Variants in ZNF544 observed in about 807,000 individuals in gnomAD.
The protein encoded by ZNF544 is zinc finger protein AF020591.
Under a neutral mutation model 13.5 loss-of-function variants are expected in ZNF544, and 10 were observed. The ratio of observed to expected loss-of-function variants is 0.74; its 90% CI spans 0.46 to 1.25. The LOEUF is 1.25. Among genes scored for constraint, ZNF544 ranks in the 50% most tolerant of loss-of-function variants. The pLI is 0.00. For synonymous variants in ZNF544, 323 were observed against 300.5 expected (o/e 1.07, Z -0.77); for missense variants, 896 against 845.6 (o/e 1.06, Z -0.74).
At chr19:58,273,193 GAAGA>G (rs2050854398) in intron 5 of ZNF544, among the ~76,000 whole-genome samples, 1 of 150,660 alleles carries the variant, frequency 6.6e-6, no homozygotes, top group African/African-American at 2.4e-5. Flanking sequence ...AAAAAAAAAA[GAAGA>G]AAGAAACCAA....
Position 58,262,031 on chromosome 19 carries a change from A to G in ZNF544, c.1425A>G (p.Gln475=). 1 of 1,611,880 alleles carries G rather than the reference A, an allele frequency of 6.2e-7. No homozygotes were observed. The highest frequency in any genetic ancestry group is 1.7e-4 in the Middle Eastern group (1 of 6,032). The part of the protein sequence containing the change: ...ECTHCGKSFS[Q]SYELVTHKRT... ...CTCACTGTGGAAAGTCCTTCAGCCA[A>G]AGCTATGAGTTAGTTACACATAAAA... Residue 475 remains glutamine (Q), a synonymous_variant, in exon 7 of 7, where the codon CAA becomes CAG. Coordinates refer to ENST00000687789, the MANE Select transcript of ZNF544 (RefSeq NM_014480.4).
At chr19:58,238,971 C>T (rs570884195) in intron 3 of ZNF544, among the ~76,000 whole-genome samples, 1 of 152,182 alleles carries the variant, frequency 6.6e-6, no homozygotes, top group East Asian at 1.9e-4. Flanking sequence ...TGAGTTTCTT[C>T]TCCTTGTGCA....
chr19:58,266,514 C>CAAAAAAAA (rs11340816), downstream of ZNF544: 2 of 58,740 alleles, frequency 3.4e-5, no homozygotes, highest in Non-Finnish European at 5.8e-5. Context: ...GACTCGGTCT[C>CAAAAAAAA]AAAAAAAAAA....
intron 6 of ZNF544, among the ~76,000 whole-genome samples, chr19:58,253,119 A>G (rs1461698557): frequency 6.6e-6 from 1 of 152,240 alleles, no homozygotes; most frequent in African/African-American, 2.4e-5. Flanking sequence ...CACCCAACCC[A>G]TAATCCTTTC....
At chr19:58,255,269 G>A (rs1030240014) in intron 6 of ZNF544, among the ~76,000 whole-genome samples, 5 of 151,864 alleles carry the variant, frequency 3.3e-5, no homozygotes, top group Admixed American at 6.6e-5. Flanking sequence ...TCCGCCTCCC[G>A]AGTTCAAGCA....
chr19:58,243,582 G>A (rs758893305), intron 3 of ZNF544, among the ~76,000 whole-genome samples: 3 of 151,866 alleles, frequency 2.0e-5, no homozygotes, highest in Non-Finnish European at 2.9e-5. Flanking sequence ...CTGCTGGGGA[G>A]TGTCACATCC....
At chr19:58,272,085 C>T (rs192342991) in intron 5 of ZNF544, among the ~76,000 whole-genome samples, 25 of 151,046 alleles carry the variant, frequency 1.7e-4, no homozygotes, top group Non-Finnish European at 2.9e-4. Context: ...CGCTGGAACC[C>T]GGGAGTTGGA....
Position 58,261,218 on chromosome 19 carries a change from G to C in ZNF544, c.612G>C (p.Glu204Asp), listed in dbSNP as rs769026512. 6.2e-7 allele frequency: 1 copy of C among 1,613,998 alleles called. No individual in the cohort carries two copies. The highest frequency in any genetic ancestry group is 1.3e-5 in the African/African-American group (1 of 74,924). Residue 204 changes from glutamate to aspartate, a missense_variant, in exon 7 of 7, where the codon GAG (glutamate) becomes GAC (aspartate). Physicochemically the swap from Glu to Asp is conservative, Grantham distance 45. Transcript: ENST00000687789. The part of the protein sequence containing the change: ...LKQNSAFINH[E>D]KNGADGKHCE... ...AAAATTCAGCTTTCATTAATCATGA[G>C]AAAAATGGAGCAGATGGGAAGCACT... is the stretch of plus-strand genomic sequence containing the variant.
At chr19:58,260,286 C>CTTAT (rs2048609336) in intron 6 of ZNF544, 1 of 152,088 alleles carries the variant, frequency 6.6e-6, no homozygotes, top group South Asian at 2.1e-4. Flanking sequence ...CCTGCTTATT[C>CTTAT]TCTTTTTTGA....
Position 58,255,268 on chromosome 19 carries a change from C to T in ZNF544, c.245-5583C>T, listed in dbSNP as rs149476623. Among the ~76,000 whole-genome samples, 38 of 151,938 alleles carry T rather than the reference C, an allele frequency of 2.5e-4. No individual in the cohort carries two copies. The East Asian group carries it at 3.9e-3, about 15-fold the overall frequency. ...TCGGGTCACTGCAACCTCCGCCTCCCGAGTTCAAGCAGTTCTCCTGCCTCA... is the reference window on the plus strand; with the variant it reads ...TCGGGTCACTGCAACCTCCGCCTCCTGAGTTCAAGCAGTTCTCCTGCCTCA... On this transcript the variant is annotated intron_variant, in intron 6 of 6. Coordinates refer to ENST00000687789, the MANE Select transcript of ZNF544 (RefSeq NM_014480.4).
At chr19:58,232,946 CAAAAAAAAAAAA>C (rs71190012) in intron 3 of ZNF544, among the ~76,000 whole-genome samples, 1 of 46,078 alleles carries the variant, frequency 2.2e-5, no homozygotes. Context: ...GACTCCATCT[CAAAAAAAAAAAA>C]AAAAAAAAAA....
Position 58,246,781 on chromosome 19 carries a change from G to A in ZNF544, c.231G>A (p.Gln77=), listed in dbSNP as rs752200098. 5.6e-6 allele frequency: 9 copies of A among 1,614,038 alleles called. No individual in the cohort carries two copies. The highest frequency in any genetic ancestry group is 7.6e-6 in the Non-Finnish European group (9 of 1,179,928). The part of the protein sequence containing the change: ...EQEEDLCRAE[Q]EAPRDWKATL... ...AAGAGGACCTGTGCAGGGCAGAGCAGGAGGCCCCCCGAGGTAAGAGCAGAC... is the reference window on the plus strand; with the variant it reads ...AAGAGGACCTGTGCAGGGCAGAGCAAGAGGCCCCCCGAGGTAAGAGCAGAC... The change falls in exon 6 of 7, where the codon CAG becomes CAA. Residue 77 remains glutamine (Q), a synonymous_variant. Coordinates refer to ENST00000687789, the MANE Select transcript of ZNF544 (RefSeq NM_014480.4).
chr19:58,265,928 A>G (rs1354171306), downstream of ZNF544, among the ~76,000 whole-genome samples: 3 of 151,562 alleles, frequency 2.0e-5, no homozygotes, highest in Admixed American at 6.6e-5. Flanking sequence ...TGGGAGGGTG[A>G]GCATGGTGGC....
intron 6 of ZNF544, among the ~76,000 whole-genome samples, chr19:58,276,643 T>G (rs1281349272): frequency 1.3e-5 from 2 of 152,128 alleles, no homozygotes; most frequent in Non-Finnish European, 2.9e-5. Context: ...AATTTTTGTA[T>G]TTGTATTAGA....
At chr19:58,271,022 G>C (rs557730118) in intron 5 of ZNF544, among the ~76,000 whole-genome samples, 1 of 151,808 alleles carries the variant, frequency 6.6e-6, no homozygotes, top group African/African-American at 2.4e-5. Flanking sequence ...GACCAGCCTG[G>C]CCAACATGGT....
chr19:58,234,647 T>A (rs1486477413), intron 3 of ZNF544, among the ~76,000 whole-genome samples: 1 of 152,284 alleles, frequency 6.6e-6, no homozygotes, highest in Non-Finnish European at 1.5e-5. Flanking sequence ...CTGGCAATTC[T>A]GCTTTTGAAT....
Position 58,261,229 on chromosome 19 carries a change from C to A in ZNF544, c.623C>A (p.Ala208Glu). The A allele has an allele frequency of 1.2e-6, 2 of 1,614,070 alleles. No homozygotes were observed. The highest frequency in any genetic ancestry group is 1.7e-6 in the Non-Finnish European group (2 of 1,180,024). Residue 208 changes from alanine (A) to glutamate (E), a missense_variant, in exon 7 of 7, where the codon GCA becomes GAA. Transcript: ENST00000687789. ...TTCATTAATCATGAGAAAAATGGAGCAGATGGGAAGCACTGTGAGAGTCAT... is the reference window on the plus strand; with the variant it reads ...TTCATTAATCATGAGAAAAATGGAGAAGATGGGAAGCACTGTGAGAGTCAT... ...SAFINHEKNGADGKHCESHQC... is the reference protein window; with the variant it reads ...SAFINHEKNGEDGKHCESHQC...
chr19:58,277,321 C>G, exon 7 of ZNF544: 1 of 1,172,546 alleles, frequency 8.5e-7, no homozygotes, highest in Non-Finnish European at 1.1e-6. Flanking sequence ...GTCAGCTCCT[C>G]CGTCCCCACT....
At chr19:58,271,879 A>G (rs755648415) in intron 5 of ZNF544, among the ~76,000 whole-genome samples, 18 of 152,066 alleles carry the variant, frequency 1.2e-4, no homozygotes, top group Non-Finnish European at 2.6e-4. Context: ...AAGCAAGAGC[A>G]GGCTGGGCGC....
Sources: allele counts gnomAD v4.1 joint callset (sites outside exome capture counted in the v4.1 genomes callset), GRCh38; gene constraint gnomAD v4.1.1; transcripts MANE v1.5; gene names NCBI Gene and HGNC (gene_info 2026-07-23, HGNC 2026-07-21).